Variants in IMPACT observed in about 807,000 individuals in gnomAD.
The protein encoded by IMPACT is impact RWD domain protein.
A neutral mutation model predicts 47.5 loss-of-function variants in IMPACT; 35 were observed. That is an observed-to-expected ratio of 0.74 (90% CI 0.56 to 0.98). IMPACT has a LOEUF of 0.98. Among genes scored for constraint, IMPACT ranks in the 50% least tolerant of loss-of-function variants. The pLI is 0.00. For synonymous variants in IMPACT, 118 were observed against 125.6 expected, an observed-to-expected ratio of 0.94 and a Z score of 0.40; for missense variants, 373 against 394.8, an observed-to-expected ratio of 0.94 and a Z score of 0.47.
chr18:24,440,638 T>C lies in IMPACT; in HGVS notation c.490+20T>C, dbSNP rs1909084033. On this transcript the variant is annotated intron_variant, in intron 6 of 10. Coordinates refer to ENST00000284202, the MANE Select transcript of IMPACT (RefSeq NM_018439.4). Reference sequence around the variant, plus strand: ...GGACAGGTATAATGTTACTAACTAATTTCTTTTGAGGAGAGTGGGTTGGTA... The same window carrying C: ...GGACAGGTATAATGTTACTAACTAACTTCTTTTGAGGAGAGTGGGTTGGTA... 1 of 1,588,314 alleles carries C rather than the reference T, an allele frequency of 6.3e-7. No individual in the cohort carries two copies. Among genetic ancestry groups the C allele is most frequent in the Non-Finnish European group, 8.6e-7 (1 of 1,169,348 alleles).
intron 8 of IMPACT, among the ~76,000 whole-genome samples, chr18:24,447,783 C>G (rs1952326950): frequency 6.6e-6 from 1 of 152,116 alleles, no homozygotes; most frequent in Non-Finnish European, 1.5e-5. Context: ...AATGATTGCT[C>G]TTGTTACTTC....
intron 4 of IMPACT, 52 bp from the exon 5 acceptor site, chr18:24,437,903 A>G: frequency 1.2e-6 from 1 of 838,554 alleles, no homozygotes; most frequent in Non-Finnish European, 2.0e-6. Flanking sequence ...CTTGAATTTG[A>G]GAAGATGATT....
rs544203385 is a variant in IMPACT at position 24,430,324 on chromosome 18, C to T, written c.221C>T (p.Ala74Val). The change falls in exon 4 of 11, where the codon GCT (alanine) becomes GTT (valine). Residue 74 changes from alanine (A) to valine (V), a missense_variant and splice_region_variant. Ala to Val is a moderately conservative substitution (Grantham distance 64). Coordinates refer to ENST00000284202, the MANE Select transcript of IMPACT (RefSeq NM_018439.4). ...GTAPPIYQLN[A>V]PWLKGQERAD... ...TTAATTGTTTTATTTAATCTTAGTG[C>T]TCCTTGGCTTAAAGGGCAAGAACGT... 3 of 1,589,700 alleles carry T rather than the reference C, an allele frequency of 1.9e-6. No individual in the cohort carries two copies. In the South Asian group the frequency reaches 3.5e-5, roughly 18 times the overall value.
chr18:24,450,050 G>T, intron 10 of IMPACT, 97 bp downstream of exon 10: 1 of 1,311,544 alleles, frequency 7.6e-7, no homozygotes, highest in Non-Finnish European at 1.1e-6. Flanking sequence ...GAATGTGAGT[G>T]GTGAATTGGT....
At position 24,439,374 on chromosome 18, in the gene IMPACT, T is replaced by C. The variant is rs140043852; in HGVS notation, c.368-1122T>C. On this transcript the variant is annotated intron_variant, in intron 5 of 10. Coordinates refer to ENST00000284202, the MANE Select transcript of IMPACT (RefSeq NM_018439.4). ...GGTGAAACCCCGTCTCTACTAAAAA[T>C]ACAAGAATTACCCAGCACGTTGGGA... Among the ~76,000 whole-genome samples the C allele has an allele frequency of 6.9e-3, 1,048 of 151,954 alleles. 15 individuals carry two copies. Among genetic ancestry groups the C allele is most frequent in the Admixed American group, 0.03 (461 of 15,252 alleles).
intron 4 of IMPACT, among the ~76,000 whole-genome samples, chr18:24,434,416 G>A (rs1182466918): frequency 6.6e-6 from 1 of 152,124 alleles, no homozygotes; most frequent in Non-Finnish European, 1.5e-5. Context: ...GAGGGATATA[G>A]TGGAGGCCTT....
At chr18:24,445,983 A>C (rs10163814) in intron 8 of IMPACT, among the ~76,000 whole-genome samples, 9,340 of 152,226 alleles carry the variant, frequency 0.061, 921 homozygotes, top group African/African-American at 0.21. Context: ...ATGGGAATAT[A>C]ATAAAAGGAA....
At chr18:24,441,995 T>G (rs1372363260) in intron 6 of IMPACT, among the ~76,000 whole-genome samples, 1 of 152,176 alleles carries the variant, frequency 6.6e-6, no homozygotes, top group Non-Finnish European at 1.5e-5. Flanking sequence ...GCAGTCAAAA[T>G]CAATTCAGGA....
At position 24,452,958 on chromosome 18, in the gene IMPACT, G is replaced by C. The variant is rs888571756; in HGVS notation, c.*2111G>C. On this transcript the variant is annotated 3_prime_UTR_variant, in exon 11 of 11. Transcript: ENST00000284202. ...CTGGCTAATTTTTAAAGTTTTTTTT[G>C]TAAAGATAGGGTCTTTCTATGTTGC... 1 of 151,904 alleles carries C rather than the reference G, an allele frequency of 6.6e-6. No individual in the cohort carries two copies. Among genetic ancestry groups the C allele is most frequent in the Admixed American group, 6.6e-5 (1 of 15,238 alleles). The allele number at this position is 151,904 out of a possible 1,614,324, so 9.4% of individuals were successfully genotyped here.
Position 24,448,107 on chromosome 18 carries a change from A to G in IMPACT, c.683A>G (p.Asp228Gly). The change falls in exon 9 of 11, where the codon GAT becomes GGT. Residue 228 changes from aspartate to glycine, a missense_variant. Transcript: ENST00000284202. ...TGTATTTGCAGAATATATTGTGAGG[A>G]TAAACAGACCTTCTTACAGGATTGT... ...NIYAYRIYCE[D>G]KQTFLQDCED... The G allele has an allele frequency of 1.2e-6, 2 of 1,611,232 alleles. No homozygotes were observed. Among genetic ancestry groups the G allele is most frequent in the Non-Finnish European group, 1.7e-6 (2 of 1,177,492 alleles).
intron 8 of IMPACT, among the ~76,000 whole-genome samples, chr18:24,446,312 A>C (rs674018): frequency 0.93 from 142,103 of 152,272 alleles, 66,563 homozygotes; most frequent in African/African-American, 0.98. Flanking sequence ...GTGATCTGCC[A>C]ACCTTGGCCT....
Position 24,452,633 on chromosome 18 carries a change from C to G in IMPACT, c.*1786C>G, listed in dbSNP as rs571647499. 1 of 152,194 alleles carries G rather than the reference C, an allele frequency of 6.6e-6. No homozygotes were observed. The highest frequency in any genetic ancestry group is 2.4e-5 in the African/African-American group (1 of 41,524). 9.4% of individuals were successfully genotyped at this position (152,194 alleles called of 1,614,324 possible). A position where few individuals can be genotyped will look rare whatever the true frequency, so the allele number is the denominator to read the frequency against. On this transcript the variant is annotated 3_prime_UTR_variant, in exon 11 of 11. Coordinates refer to ENST00000284202, the MANE Select transcript of IMPACT (RefSeq NM_018439.4). Reference sequence around the variant, plus strand: ...AGATGCAAAATTCTCCAGCTCTGAACTTGGAGCTACTTCACACTCTACTCT... The same window carrying G: ...AGATGCAAAATTCTCCAGCTCTGAAGTTGGAGCTACTTCACACTCTACTCT...
At chr18:24,442,724 A>T (rs1909147458) in intron 6 of IMPACT, among the ~76,000 whole-genome samples, 1 of 152,216 alleles carries the variant, frequency 6.6e-6, no homozygotes, top group Non-Finnish European at 1.5e-5. Context: ...TTACACTCTT[A>T]AAAATTATAT....
intron 4 of IMPACT, among the ~76,000 whole-genome samples, chr18:24,433,072 C>G (rs1430005068): frequency 6.6e-6 from 1 of 151,352 alleles, no homozygotes; most frequent in Non-Finnish European, 1.5e-5. Context: ...ATAGTTTGTT[C>G]TAATGGTGGA....
rs537671632 is a variant in IMPACT at position 24,427,912 on chromosome 18, C to T, written c.37-7C>T. 2 of 1,593,770 alleles carry T rather than the reference C, an allele frequency of 1.3e-6. No homozygotes were observed. The highest frequency in any genetic ancestry group is 1.9e-5 in the Admixed American group (1 of 53,758). On this transcript the variant is annotated splice_region_variant and splice_polypyrimidine_tract_variant and intron_variant, in intron 1 of 10. Transcript: ENST00000284202. Reference sequence around the variant, plus strand: ...TTGTTGACTTTTAAAAAATCAATTTCTTTCAGAATGAGGAAATTGAAGCAA... The same window carrying T: ...TTGTTGACTTTTAAAAAATCAATTTTTTTCAGAATGAGGAAATTGAAGCAA...
rs1376479945 is a variant in IMPACT at position 24,449,942 on chromosome 18, A to G, written c.883A>G (p.Thr295Ala). The G allele has an allele frequency of 6.2e-7, 1 of 1,613,954 alleles. No homozygotes were observed. The highest frequency in any genetic ancestry group is 1.3e-5 in the African/African-American group (1 of 74,930). Reference protein sequence around the residue: ...ARNILVEKNYTNSPEESSKAL... With the variant: ...ARNILVEKNYANSPEESSKAL... ...AAACATACTAGTGGAAAAGAACTAC[A>G]CAAATTCACCTGTAAGTGGCTCTTC... Residue 295 changes from threonine to alanine, a missense_variant, in exon 10 of 11, where the codon ACA becomes GCA. Transcript: ENST00000284202.
intron 6 of IMPACT, among the ~76,000 whole-genome samples, chr18:24,441,139 G>T (rs757243085): frequency 6.6e-6 from 1 of 152,124 alleles, no homozygotes; most frequent in African/African-American, 2.4e-5. Context: ...CTCAGCCTCC[G>T]AGTAGCTGGG....
Position 24,449,809 on chromosome 18 carries a change from A to C in IMPACT, c.760-10A>C. 6.2e-7 allele frequency: 1 copy of C among 1,610,144 alleles called. No individual in the cohort carries two copies. Among genetic ancestry groups the C allele is most frequent in the Non-Finnish European group, 8.5e-7 (1 of 1,177,776 alleles). On this transcript the variant is annotated splice_polypyrimidine_tract_variant and intron_variant, in intron 9 of 10. Transcript: ENST00000284202. The stretch of plus-strand genomic sequence containing the variant: ...TCTATGTATCTAATTATGCTTCCAA[A>C]AAATAACAGATTTTGAATGTGAAGA...
Position 24,445,409 on chromosome 18 carries a change from C to G in IMPACT, c.611C>G (p.Ser204Cys), listed in dbSNP as rs1909223888. 2.5e-6 allele frequency: 4 copies of G among 1,598,734 alleles called. No homozygotes were observed. The highest frequency in any genetic ancestry group is 3.4e-6 in the Non-Finnish European group (4 of 1,170,614). The change falls in exon 8 of 11, where the codon TCC becomes TGC. Residue 204 changes from serine (S) to cysteine (C), a missense_variant. Physicochemically the swap from Ser to Cys is moderately radical, Grantham distance 112. Coordinates refer to ENST00000284202, the MANE Select transcript of IMPACT (RefSeq NM_018439.4). ...GTTTTTAAGGTGAAAATGGTTCTTT[C>G]CAAATTGTATGAGAATAAGAAAATA... ...VCPKQVKMVL[S>C]KLYENKKIAS...
Sources: gnomAD v4.1 joint callset for allele counts (sites outside exome capture counted in the v4.1 genomes callset) on GRCh38, gnomAD v4.1.1 for gene constraint, MANE v1.5 for transcripts, NCBI Gene and HGNC (gene_info 2026-07-23, HGNC 2026-07-21) for gene names.